Variants in MINDY4B observed in about 807,000 individuals in gnomAD.
MINDY4B encodes inactive ubiquitin carboxyl-terminal hydrolase MINDY-4B.
Under a neutral mutation model 16.7 loss-of-function variants are expected in MINDY4B, and 25 were observed. That is an observed-to-expected ratio of 1.49 (90% CI 1.09 to 2.09). The LOEUF (loss-of-function observed/expected upper bound fraction) is 2.09, where lower values mean the gene tolerates loss of function less well. Among genes scored for constraint, MINDY4B ranks in the 30% most tolerant of loss-of-function variants. The pLI is 0.00. For synonymous variants in MINDY4B, 132 were observed against 61.9 expected, an observed-to-expected ratio of 2.13 and a Z score of -5.32; for missense variants, 327 against 168.4, an observed-to-expected ratio of 1.94 and a Z score of -5.21.
rs910701758 is a variant in MINDY4B at position 150,891,106 on chromosome 3, A to G, written c.522-3T>C. ...CCTTCTTGCTTATTTCACATAAGCT[A>G]TAATGCAGAAGGCAGGAGTAGGAAA... On this transcript the variant is annotated splice_region_variant and splice_polypyrimidine_tract_variant and intron_variant, in intron 5 of 11. Coordinates refer to ENST00000465419, the MANE Select transcript of MINDY4B (RefSeq NM_001351281.2). The G allele has an allele frequency of 2.9e-6, 2 of 698,560 alleles. No homozygotes were observed. The allele number at this position is 698,560 out of a possible 1,614,324, so 43.3% of individuals were successfully genotyped here. A position where few individuals can be genotyped will look rare whatever the true frequency, so the allele number is the denominator to read the frequency against.
At chr3:150,890,651 T>G in intron 6 of MINDY4B, 1 of 488,430 alleles carries the variant, frequency 2.0e-6, no homozygotes. Context: ...TCCTAATAGG[T>G]GAAATTTAGC....
chr3:150,880,421 TAGG>T (rs1284292617), intron 10 of MINDY4B, among the ~76,000 whole-genome samples: 2 of 152,160 alleles, frequency 1.3e-5, no homozygotes, highest in Non-Finnish European at 2.9e-5. Context: ...CAGACTTGTG[TAGG>T]AGAAGAAGTG....
At chr3:150,888,608 T>C (rs1711691590) in intron 7 of MINDY4B, among the ~76,000 whole-genome samples, 1 of 152,174 alleles carries the variant, frequency 6.6e-6, no homozygotes, top group Admixed American at 6.5e-5. Context: ...CCCGTCTCAG[T>C]GAGGTCCTTG....
At chr3:150,896,041 C>T (rs1253966842) in intron 3 of MINDY4B, among the ~76,000 whole-genome samples, 1 of 151,926 alleles carries the variant, frequency 6.6e-6, no homozygotes, top group Non-Finnish European at 1.5e-5. Context: ...TAATCCCAGA[C>T]TTCTTGGAGG....
intron 3 of MINDY4B, among the ~76,000 whole-genome samples, chr3:150,902,906 C>T (rs942561940): frequency 5.3e-5 from 8 of 152,072 alleles, no homozygotes; most frequent in Admixed American, 2.0e-4. Flanking sequence ...CATTGTCTTA[C>T]GCATTTGCAG....
intron 2 of MINDY4B, among the ~76,000 whole-genome samples, chr3:150,904,746 G>A (rs1712199597): frequency 6.6e-6 from 1 of 152,206 alleles, no homozygotes; most frequent in Non-Finnish European, 1.5e-5. Flanking sequence ...GGACACAGAA[G>A]CACTTGGTTG....
chr3:150,894,415 T>G, intron 3 of MINDY4B, 110 bp from the exon 4 acceptor site: 1 of 581,470 alleles, frequency 1.7e-6, no homozygotes, highest in Non-Finnish European at 3.0e-6. Flanking sequence ...CCCTTCTACA[T>G]TCAGGTTTAC....
At chr3:150,890,123 G>C (rs190847108) in intron 7 of MINDY4B, among the ~76,000 whole-genome samples, 197 bp downstream of exon 7, 49 of 152,302 alleles carry the variant, frequency 3.2e-4, no homozygotes, top group African/African-American at 1.0e-3. Context: ...GAGTGGGTCT[G>C]TGTGTGATCT....
intron 5 of MINDY4B, among the ~76,000 whole-genome samples, chr3:150,892,253 T>C (rs1216147006): frequency 4.6e-5 from 7 of 152,224 alleles, no homozygotes; most frequent in African/African-American, 1.2e-4. Context: ...GTGCAATCCA[T>C]GCACCCGAGC....
At chr3:150,899,818 A>G (rs1388576555) in intron 3 of MINDY4B, among the ~76,000 whole-genome samples, 1 of 152,216 alleles carries the variant, frequency 6.6e-6, no homozygotes, top group African/African-American at 2.4e-5. Context: ...ACACCTGTCG[A>G]GACCCATCTA....
chr3:150,904,257 T>C (rs2107913499), intron 2 of MINDY4B, among the ~76,000 whole-genome samples: 1 of 152,350 alleles, frequency 6.6e-6, no homozygotes, highest in East Asian at 1.9e-4. Flanking sequence ...AAGATTGTTT[T>C]ATCTTTTGAA....
intron 3 of MINDY4B, among the ~76,000 whole-genome samples, chr3:150,902,748 G>A (rs1712148332): frequency 6.6e-6 from 1 of 152,218 alleles, no homozygotes; most frequent in Admixed American, 6.5e-5. Flanking sequence ...GAAATGTCAT[G>A]TTCTTTTCAA....
At chr3:150,888,634 CA>C (rs1467110446) in intron 7 of MINDY4B, among the ~76,000 whole-genome samples, 1 of 152,166 alleles carries the variant, frequency 6.6e-6, no homozygotes, top group Non-Finnish European at 1.5e-5. Context: ...AATATATATA[CA>C]CCATCAAGCT....
intron 9 of MINDY4B, 120 bp downstream of exon 9, chr3:150,883,580 T>C (rs199758180): frequency 4.7e-6 from 3 of 638,236 alleles, no homozygotes; most frequent in East Asian, 2.7e-5. Context: ...GGAGAGAATA[T>C]ATTTAATTAG....
At chr3:150,904,777 A>G (rs1411243980) in intron 2 of MINDY4B, among the ~76,000 whole-genome samples, 1 of 152,248 alleles carries the variant, frequency 6.6e-6, no homozygotes, top group Non-Finnish European at 1.5e-5. Context: ...GTGTTATTTC[A>G]CAAATGTGGG....
intron 10 of MINDY4B, among the ~76,000 whole-genome samples, chr3:150,874,885 A>T (rs1475260687): frequency 1.3e-5 from 2 of 152,198 alleles, no homozygotes; most frequent in East Asian, 3.8e-4. Flanking sequence ...TTTTGTCTGT[A>T]AGTGTTTCAC....
chr3:150,905,094 A>T lies in MINDY4B; in HGVS notation c.114-5T>A. 2.5e-6 allele frequency: 1 copy of T among 398,548 alleles called. No homozygotes were observed. Among genetic ancestry groups the T allele is most frequent in the East Asian group, 3.6e-5 (1 of 28,070 alleles). The allele number at this position is 398,548 out of a possible 1,614,324, so 24.7% of individuals were successfully genotyped here. ...GTTGAATTATTGGTTCCCAACCTTT[A>T]AATGAAAGAGAAAACATCAAGTAAA... On this transcript the variant is annotated splice_region_variant and splice_polypyrimidine_tract_variant and intron_variant, in intron 1 of 11. Coordinates refer to ENST00000465419, the MANE Select transcript of MINDY4B (RefSeq NM_001351281.2).
chr3:150,883,426 T>C (rs1291247040), intron 9 of MINDY4B, among the ~76,000 whole-genome samples: 2 of 152,096 alleles, frequency 1.3e-5, no homozygotes, highest in African/African-American at 2.4e-5. Context: ...AGATATTTTC[T>C]ACTGTTGCTA....
chr3:150,900,687 C>A (rs571113979), intron 3 of MINDY4B, among the ~76,000 whole-genome samples: 9 of 152,192 alleles, frequency 5.9e-5, no homozygotes, highest in African/African-American at 1.9e-4. Flanking sequence ...TTTCTTAACA[C>A]CCTATCAACT....
Sources: gnomAD v4.1 joint callset for allele counts (sites outside exome capture counted in the v4.1 genomes callset) on GRCh38, gnomAD v4.1.1 for gene constraint, MANE v1.5 for transcripts, NCBI Gene and HGNC (gene_info 2026-07-23, HGNC 2026-07-21) for gene names.